Variants in OTOGL observed in about 807,000 individuals in gnomAD.
OTOGL encodes the protein otogelin like.
A neutral mutation model predicts 318.5 loss-of-function variants in OTOGL; 285 were observed. The observed-to-expected ratio is 0.89, with a 90% confidence interval of 0.81 to 0.99. The LOEUF is 0.99. OTOGL is among the 50% of genes least tolerant of loss of function. The pLI is 0.00. For missense variants in OTOGL, 2,899 were observed against 2,845.6 expected (o/e 1.02, Z -0.43); for synonymous variants, 987 against 936.5 (o/e 1.05, Z -0.99).
intron 14 of OTOGL, 89 bp from the exon 15 acceptor site, chr12:80,254,435 A>G: frequency 1.2e-6 from 1 of 847,908 alleles, no homozygotes; most frequent in Non-Finnish European, 1.8e-6. Flanking sequence ...TAAACATGAT[A>G]TATTTTGGTC....
intron 1 of OTOGL, among the ~76,000 whole-genome samples, chr12:80,147,209 T>A (rs1872443759): frequency 6.6e-6 from 1 of 151,622 alleles, no homozygotes; most frequent in Non-Finnish European, 1.5e-5. Context: ...TAAATTTCCC[T>A]CTACACACTG....
At chr12:80,354,970 A>T (rs951622450) in intron 46 of OTOGL, among the ~76,000 whole-genome samples, 1 of 152,250 alleles carries the variant, frequency 6.6e-6, no homozygotes, top group Non-Finnish European at 1.5e-5. Context: ...TTGAATTTTC[A>T]TATGATGTAA....
intron 1 of OTOGL, among the ~76,000 whole-genome samples, chr12:80,175,559 G>A (rs1874472132): frequency 6.6e-6 from 1 of 152,104 alleles, no homozygotes; most frequent in Non-Finnish European, 1.5e-5. Flanking sequence ...TTTTATACAG[G>A]GGAATGTGTG....
chr12:80,354,702 G>A (rs1032125873), intron 46 of OTOGL, among the ~76,000 whole-genome samples: 3 of 152,158 alleles, frequency 2.0e-5, no homozygotes, highest in African/African-American at 7.2e-5. Flanking sequence ...ATCTGTGGAA[G>A]ACTTTGAGAA....
chr12:80,213,287 T>C (rs12230881), intron 4 of OTOGL, among the ~76,000 whole-genome samples: 1 of 152,348 alleles, frequency 6.6e-6, no homozygotes, highest in East Asian at 1.9e-4. Context: ...TTTAGCATGT[T>C]AATGCATTAT....
chr12:80,202,059 T>C (rs567502082), intron 1 of OTOGL, among the ~76,000 whole-genome samples: 2 of 152,242 alleles, frequency 1.3e-5, no homozygotes, highest in Non-Finnish European at 2.9e-5. Flanking sequence ...CCCTGTGTCA[T>C]TGAAGTTTCC....
intron 16 of OTOGL, 130 bp from the exon 17 acceptor site, chr12:80,256,207 C>G: frequency 9.0e-7 from 1 of 1,107,400 alleles, no homozygotes; most frequent in South Asian, 2.0e-5. Context: ...TTTATATGCA[C>G]TCTCTTTCTT....
intron 11 of OTOGL, among the ~76,000 whole-genome samples, chr12:80,249,831 G>A (rs976766522): frequency 6.6e-6 from 1 of 152,112 alleles, no homozygotes; most frequent in Non-Finnish European, 1.5e-5. Context: ...CGTGGGCGTA[G>A]GACCCTCCGA....
At chr12:80,116,236 A>C (rs894290007) in intron 1 of OTOGL, among the ~76,000 whole-genome samples, 3 of 152,098 alleles carry the variant, frequency 2.0e-5, no homozygotes, top group Non-Finnish European at 2.9e-5. Context: ...GGAGAGGTGT[A>C]GTATCTGGGC....
chr12:80,197,046 A>G (rs997247736), intron 1 of OTOGL, among the ~76,000 whole-genome samples: 14 of 152,184 alleles, frequency 9.2e-5, no homozygotes, highest in African/African-American at 2.9e-4. Context: ...CATTGGCATG[A>G]TACAACTTTG....
At chr12:80,138,657 A>G (rs1871732185) in intron 1 of OTOGL, among the ~76,000 whole-genome samples, 1 of 152,168 alleles carries the variant, frequency 6.6e-6, no homozygotes, top group Non-Finnish European at 1.5e-5. Flanking sequence ...CTACATTAGC[A>G]CTTTGAAGCA....
At chr12:80,256,980 G>A (rs774887668) in intron 17 of OTOGL, among the ~76,000 whole-genome samples, 1 of 152,082 alleles carries the variant, frequency 6.6e-6, no homozygotes, top group South Asian at 2.1e-4. Context: ...TTTTGCTACA[G>A]CAGAGAGAGG....
chr12:80,116,265 A>G (rs1337709901), intron 1 of OTOGL, among the ~76,000 whole-genome samples: 1 of 152,046 alleles, frequency 6.6e-6, no homozygotes, highest in Non-Finnish European at 1.5e-5. Context: ...ACCATCCCTC[A>G]TGGCACAGTC....
At chr12:80,357,293 G>C (rs1378539224) in intron 49 of OTOGL, among the ~76,000 whole-genome samples, 1 of 152,116 alleles carries the variant, frequency 6.6e-6, no homozygotes, top group Non-Finnish European at 1.5e-5. Context: ...TGTATATCAT[G>C]TTTGAGGTAT....
rs747929635 is a variant in OTOGL at position 80,328,674 on chromosome 12, A to T, written c.4209A>T (p.Gly1403=). 8 of 1,599,976 alleles carry T rather than the reference A, an allele frequency of 5.0e-6. No individual in the cohort carries two copies. Among genetic ancestry groups the T allele is most frequent in the Non-Finnish European group, 6.9e-6 (8 of 1,167,774 alleles). The change falls in exon 36 of 59, where the codon GGA becomes GGT. Residue 1403 remains glycine, a synonymous_variant. Coordinates refer to ENST00000547103, the MANE Select transcript of OTOGL (RefSeq NM_001378609.3). ...LACKFLPPVE[G]CLPYCPKNMI... Reference sequence around the variant, plus strand: ...TTTTTTCCATGTAAAGGGTTGAAGGATGCTTGCCCTACTGCCCTAAAAATA... The same window carrying T: ...TTTTTTCCATGTAAAGGGTTGAAGGTTGCTTGCCCTACTGCCCTAAAAATA...
chr12:80,207,065 T>C (rs1317401805), intron 1 of OTOGL, among the ~76,000 whole-genome samples: 1 of 147,072 alleles, frequency 6.8e-6, no homozygotes, highest in East Asian at 2.0e-4. Flanking sequence ...TCACATGACT[T>C]TACATTGCTG....
rs768164350 is a variant in OTOGL, at chr12:80,232,986, G to A, written c.706G>A (p.Asp236Asn). Reference protein sequence around the residue: ...KTTFGFSLAWDGISGIYLKLS... With the variant: ...KTTFGFSLAWNGISGIYLKLS... ...AACCTTTGGCTTTTCATTGGCTTGGGACGGGATATCTGGGATCTACCTCAA... is the reference window on the plus strand; with the variant it reads ...AACCTTTGGCTTTTCATTGGCTTGGAACGGGATATCTGGGATCTACCTCAA... The change falls in exon 9 of 59, where the codon GAC becomes AAC. Residue 236 changes from aspartate to asparagine, a missense_variant. Asp to Asn is a conservative substitution (Grantham distance 23). This residue lies in a region of OTOGL where 2,607 missense variants were observed against 2,524.9 expected (regional missense o/e 1.03). Coordinates refer to ENST00000547103, the MANE Select transcript of OTOGL (RefSeq NM_001378609.3). 1 of 1,598,898 alleles carries A rather than the reference G, an allele frequency of 6.3e-7. No individual in the cohort carries two copies.
chr12:80,294,459 T>C (rs866907540), intron 26 of OTOGL, among the ~76,000 whole-genome samples: 15 of 152,216 alleles, frequency 9.9e-5, no homozygotes, highest in African/African-American at 2.9e-4. Flanking sequence ...CCCTAAATTA[T>C]GTATTTTTCT....
chr12:80,223,910 C>T (rs1346506253), intron 7 of OTOGL, among the ~76,000 whole-genome samples: 1 of 152,074 alleles, frequency 6.6e-6, no homozygotes, highest in Admixed American at 6.6e-5. Flanking sequence ...ATTTCTTTTG[C>T]TGCATAAAAG....
Sources: allele counts gnomAD v4.1 joint callset (sites outside exome capture counted in the v4.1 genomes callset), GRCh38; gene constraint gnomAD v4.1.1; regional missense constraint gnomAD v4.1.1; transcripts MANE v1.5; gene names NCBI Gene and HGNC (gene_info 2026-07-23, HGNC 2026-07-21).